The following MAP3K4 variants were observed in gnomAD, a reference collection of about 807,000 sequenced individuals.
MAP3K4 encodes the protein MAP three kinase 1.
In MAP3K4, 67 loss-of-function variants were observed where a neutral mutation model predicts 185.6. The ratio of observed to expected loss-of-function variants is 0.36; its 90% CI spans 0.30 to 0.44. MAP3K4 has a LOEUF of 0.44. Ranked by LOEUF, MAP3K4 falls within the 20% of genes least tolerant of loss-of-function variation. MAP3K4 has a pLI of 1.00. For synonymous variants in MAP3K4, 702 were observed against 710.4 expected (o/e 0.99, Z 0.19); for missense variants, 1,551 against 1,995.1 (o/e 0.78, Z 4.24).
intron 1 of MAP3K4, among the ~76,000 whole-genome samples, chr6:161,006,846 C>T (rs560214913): frequency 7.9e-5 from 12 of 151,868 alleles, no homozygotes; most frequent in Admixed American, 3.3e-4. Flanking sequence ...TTCTCCAGTC[C>T]CGAGATCTGC....
intron 3 of MAP3K4, among the ~76,000 whole-genome samples, chr6:161,068,322 C>T (rs1407899399): frequency 6.6e-6 from 1 of 152,180 alleles, no homozygotes; most frequent in Non-Finnish European, 1.5e-5. Context: ...AGGAGGGTGG[C>T]ATCTGGGCTT....
At chr6:161,044,156 G>T (rs2114747367) in intron 2 of MAP3K4, among the ~76,000 whole-genome samples, 1 of 152,244 alleles carries the variant, frequency 6.6e-6, no homozygotes, top group South Asian at 2.1e-4. Context: ...CCAGAGGTTT[G>T]CTTTAATTGT....
chr6:161,049,230 A>T lies in MAP3K4; in HGVS notation c.958A>T (p.Thr320Ser). 6.2e-7 allele frequency: 1 copy of T among 1,614,166 alleles called. No homozygotes were observed. The highest frequency in any genetic ancestry group is 8.5e-7 in the Non-Finnish European group (1 of 1,180,012). ...TAGAGATAGAGCTGGTTTTAATGGT[A>T]CTTCAGTAGAAGGGCAGTGCAAAGC... Reference protein sequence around the residue: ...FVRDRAGFNGTSVEGQCKATP... With the variant: ...FVRDRAGFNGSSVEGQCKATP... Residue 320 changes from threonine (T) to serine (S), a missense_variant, in exon 3 of 27, where the codon ACT becomes TCT. Physicochemically the swap from Thr to Ser is moderately conservative, Grantham distance 58. Around this residue, in one of 16 missense-constraint regions of MAP3K4, gnomAD observed 93 missense variants for 96.7 expected, o/e 0.96. Transcript: ENST00000392142. The surrounding 1 kb of genome is among the most constrained non-coding windows in gnomAD (Gnocchi z 8.4).
chr6:161,051,777 T>C lies in MAP3K4; in HGVS notation c.1707+1798T>C, dbSNP rs1451280935. 1.3e-5 allele frequency among the ~76,000 whole-genome samples: 2 copies of C among 152,220 alleles called. No homozygotes were observed. Among genetic ancestry groups the C allele is most frequent in the African/African-American group, 4.8e-5 (2 of 41,454 alleles). On this transcript the variant is annotated intron_variant, in intron 3 of 26. Coordinates refer to ENST00000392142, the MANE Select transcript of MAP3K4 (RefSeq NM_005922.4). This position sits in a 1 kb window ranked among gnomAD's most constrained non-coding sequence, Gnocchi z 4.2. ...CCTCCTGTATGCTTTAAATCATCTA[T>C]AGATTACTTATAATACCTAATACAA...
Position 161,091,755 on chromosome 6 carries a change from T to TA in MAP3K4, c.3135+216dup, listed in dbSNP as rs574534991. Among the ~76,000 whole-genome samples, 714 of 152,358 alleles carry TA rather than the reference T, an allele frequency of 4.7e-3. 2 individuals are homozygous for TA. Among genetic ancestry groups the TA allele is most frequent in the Non-Finnish European group, 8.2e-3 (555 of 68,026 alleles). ...TATTTTGTGCTAACAGCCATCTACT[T>TA]ACATTTTAAAACTTTAAAGAGATGT... On this transcript the variant is annotated intron_variant, in intron 12 of 26. Transcript: ENST00000392142. The surrounding 1 kb of genome is among the most constrained non-coding windows in gnomAD (Gnocchi z 5.5).
chr6:161,064,265 T>C lies in MAP3K4; in HGVS notation c.1708-6343T>C, dbSNP rs1013800302. 6.6e-6 allele frequency among the ~76,000 whole-genome samples: 1 copy of C among 152,260 alleles called. No individual in the cohort carries two copies. Among genetic ancestry groups the C allele is most frequent in the African/African-American group, 2.4e-5 (1 of 41,472 alleles). ...AAATATATTGTTCAACATGTATTTTTGTGTTTAATACATACTTTGATTTCC... is the reference window on the plus strand; with the variant it reads ...AAATATATTGTTCAACATGTATTTTCGTGTTTAATACATACTTTGATTTCC... On this transcript the variant is annotated intron_variant, in intron 3 of 26. Transcript: ENST00000392142. The surrounding 1 kb of genome is among the most constrained non-coding windows in gnomAD (Gnocchi z 4.3).
chr6:161,035,168 A>G (rs1783108777), intron 2 of MAP3K4, among the ~76,000 whole-genome samples: 2 of 152,152 alleles, frequency 1.3e-5, no homozygotes, highest in Non-Finnish European at 2.9e-5. Context: ...TTGTGGTTTT[A>G]GAATTTACCT....
intron 1 of MAP3K4, among the ~76,000 whole-genome samples, chr6:161,019,469 G>A (rs1307177618): frequency 2.6e-5 from 4 of 152,004 alleles, no homozygotes; most frequent in Admixed American, 6.6e-5. Flanking sequence ...GTGCAGTGGC[G>A]CGAGCTCAGC....
chr6:161,028,982 C>T (rs1264024513), intron 1 of MAP3K4, among the ~76,000 whole-genome samples: 1 of 152,104 alleles, frequency 6.6e-6, no homozygotes, highest in Non-Finnish European at 1.5e-5. Flanking sequence ...GAGCTTAGCT[C>T]CCTTTGATTA....
intron 1 of MAP3K4, among the ~76,000 whole-genome samples, chr6:161,032,603 T>C (rs1782983685): frequency 6.6e-6 from 1 of 152,170 alleles, no homozygotes. Flanking sequence ...TTCCAAACAG[T>C]GTTATTAACC....
At chr6:161,026,336 C>A (rs945742349) in intron 1 of MAP3K4, among the ~76,000 whole-genome samples, 1 of 151,974 alleles carries the variant, frequency 6.6e-6, no homozygotes, top group African/African-American at 2.4e-5. Context: ...GGGGTTTCAC[C>A]ATGTTAGCCA....
chr6:161,005,142 T>C (rs1457616395), intron 1 of MAP3K4, among the ~76,000 whole-genome samples: 2 of 150,098 alleles, frequency 1.3e-5, no homozygotes, highest in African/African-American at 4.9e-5. Context: ...ATATAAACTT[T>C]TTTTTTTTTT....
chr6:161,115,846 AG>A lies in MAP3K4; in HGVS notation c.4806+546del, dbSNP rs1027857715. Among the ~76,000 whole-genome samples, 12 of 152,316 alleles carry A rather than the reference AG, an allele frequency of 7.9e-5. No homozygotes were observed. Among genetic ancestry groups the A allele is most frequent in the Middle Eastern group, 3.4e-3 (1 of 294 alleles). ...GTGGGATGGTCACAGAGCCCTGTGT[AG>A]GTAGATCCTGGTGAACACAGGATGT... On this transcript the variant is annotated intron_variant, in intron 26 of 26. Transcript: ENST00000392142. This position sits in a 1 kb window ranked among gnomAD's most constrained non-coding sequence, Gnocchi z 6.0.
intron 3 of MAP3K4, among the ~76,000 whole-genome samples, chr6:161,066,946 A>G (rs1366836689): frequency 6.6e-6 from 1 of 152,246 alleles, no homozygotes; most frequent in Non-Finnish European, 1.5e-5. Flanking sequence ...GGTGAATTTT[A>G]TAGAGCTTTA....
chr6:160,997,908 T>A (rs1022445971), intron 1 of MAP3K4, among the ~76,000 whole-genome samples: 6 of 152,176 alleles, frequency 3.9e-5, no homozygotes, highest in African/African-American at 1.4e-4. Context: ...AGGCTGAGAA[T>A]TCATGAGCCT....
chr6:161,105,627 T>TA (rs1342394872), intron 19 of MAP3K4, among the ~76,000 whole-genome samples: 4 of 152,196 alleles, frequency 2.6e-5, no homozygotes, highest in Admixed American at 1.3e-4. Flanking sequence ...ACTCAACAGA[T>TA]ACTCAGGTAT....
intron 1 of MAP3K4, among the ~76,000 whole-genome samples, chr6:161,012,630 C>T (rs957226070): frequency 3.3e-5 from 5 of 152,056 alleles, no homozygotes; most frequent in Admixed American, 6.6e-5. Flanking sequence ...CTTTAAGAGA[C>T]GTATTAGTGC....
intron 18 of MAP3K4, 125 bp from the exon 19 acceptor site, chr6:161,102,574 C>CA: frequency 1.6e-6 from 1 of 606,064 alleles, no homozygotes; most frequent in Non-Finnish European, 2.9e-6. Flanking sequence ...ACATCAAACA[C>CA]ACTAAAAATT....
rs1783882859 is a variant in MAP3K4, at chr6:161,049,111, A to G, written c.839A>G (p.Gln280Arg). The G allele has an allele frequency of 6.2e-7, 1 of 1,614,070 alleles. No homozygotes were observed. The highest frequency in any genetic ancestry group is 8.5e-7 in the Non-Finnish European group (1 of 1,180,034). ...CATGCAGGACGGACAATTAACGACC[A>G]GGACTTCTTTTTATATACAGCCCGT... is the stretch of plus-strand genomic sequence containing the variant. ...AWHAGRTIND[Q>R]DFFLYTARQA... Residue 280 changes from glutamine to arginine, a missense_variant, in exon 3 of 27, where the codon CAG becomes CGG. By Grantham distance (43) the Gln-to-Arg change is conservative (BLOSUM62 1). Transcript: ENST00000392142. This position sits in a 1 kb window ranked among gnomAD's most constrained non-coding sequence, Gnocchi z 8.4.
Sources: gnomAD v4.1 joint callset for allele counts (sites outside exome capture counted in the v4.1 genomes callset) on GRCh38, gnomAD v4.1.1 for gene constraint, gnomAD v4.1.1 regional missense constraint, Gnocchi (gnomAD v3.1) non-coding constraint, MANE v1.5 for transcripts, NCBI Gene and HGNC (gene_info 2026-07-23, HGNC 2026-07-21) for gene names.